The following TCTN3 variants were observed in gnomAD, a reference collection of about 807,000 sequenced individuals.
The protein encoded by TCTN3 is tectonic family member 3.
Under a neutral mutation model 71.3 loss-of-function variants are expected in TCTN3, and 57 were observed. That is an observed-to-expected ratio of 0.80 (90% CI 0.65 to 1.00). The LOEUF is 1.00. Among genes scored for constraint, TCTN3 ranks in the 50% least tolerant of loss-of-function variants. The pLI is 0.00. For synonymous variants in TCTN3, 258 were observed against 267.8 expected (o/e 0.96, Z 0.36); for missense variants, 696 against 719.9 (o/e 0.97, Z 0.38).
At chr10:95,668,155 A>C (rs1589602013) in intron 13 of TCTN3, among the ~76,000 whole-genome samples, 1 of 151,810 alleles carries the variant, frequency 6.6e-6, no homozygotes, top group Admixed American at 6.6e-5. Context: ...AAAGTTGAGA[A>C]TCTTTTTTAG....
In TCTN3 at chr10:95,687,729, T is replaced by G; in HGVS notation, c.500-10A>C. Reference sequence around the variant, plus strand: ...AAATAGTTTAAGTTTGCTAAAATGTTTTTTAAAAGAAAAAGCGTTTAGATA... The same window carrying G: ...AAATAGTTTAAGTTTGCTAAAATGTGTTTTAAAAGAAAAAGCGTTTAGATA... On this transcript the variant is annotated splice_polypyrimidine_tract_variant and intron_variant, in intron 3 of 13. Coordinates refer to ENST00000371217, the MANE Select transcript of TCTN3 (RefSeq NM_015631.6). 6.2e-7 allele frequency: 1 copy of G among 1,600,180 alleles called. No individual in the cohort carries two copies. The highest frequency in any genetic ancestry group is 8.5e-7 in the Non-Finnish European group (1 of 1,176,654).
At chr10:95,692,435 G>A (rs1160024149) in intron 3 of TCTN3, among the ~76,000 whole-genome samples, 1 of 152,138 alleles carries the variant, frequency 6.6e-6, no homozygotes, top group Non-Finnish European at 1.5e-5. Context: ...TAATCCGGGA[G>A]GTGGAGGTTG....
chr10:95,674,523 G>A (rs1007348706), intron 13 of TCTN3, among the ~76,000 whole-genome samples: 1 of 151,482 alleles, frequency 6.6e-6, no homozygotes, highest in Non-Finnish European at 1.5e-5. Context: ...TACTGTACAG[G>A]CTGTCTTGTA....
intron 12 of TCTN3, 100 bp from the exon 13 acceptor site, chr10:95,680,709 T>C: frequency 1.4e-6 from 2 of 1,411,494 alleles, no homozygotes; most frequent in South Asian, 2.8e-5. Flanking sequence ...TATTCAGTAA[T>C]AAGGAAGGCA....
rs1436682666 is a variant in TCTN3 at position 95,663,802 on chromosome 10, G to A, written c.*265C>T. The A allele has an allele frequency of 7.8e-6, 3 of 383,366 alleles. No homozygotes were observed. Among genetic ancestry groups the A allele is most frequent in the African/African-American group, 6.1e-5 (3 of 49,162 alleles). The allele number at this position is 383,366 out of a possible 1,614,324, so 23.7% of individuals were successfully genotyped here. On this transcript the variant is annotated 3_prime_UTR_variant, in exon 14 of 14. Coordinates refer to ENST00000371217, the MANE Select transcript of TCTN3 (RefSeq NM_015631.6). ...ACATAACCAGAAAGGCTGAAGGAAG[G>A]CTCTTGGCCTTCCCAGCTTGAGAAG... is the stretch of plus-strand genomic sequence containing the variant.
At chr10:95,664,340 C>T (rs2097924075) in intron 13 of TCTN3, 40 bp from the exon 14 acceptor site, 1 of 1,538,388 alleles carries the variant, frequency 6.5e-7, no homozygotes, top group Admixed American at 1.7e-5. Flanking sequence ...CGCTTGGTAC[C>T]CATTCATATA....
Position 95,668,351 on chromosome 10 carries a change from A to G in TCTN3, c.1591-4051T>C, listed in dbSNP as rs575397502. ...GAAAATTCTCAGAACTGAGTTTCAGAGTAAAAAATTTGGTATAATGAATGA... is the reference window on the plus strand; with the variant it reads ...GAAAATTCTCAGAACTGAGTTTCAGGGTAAAAAATTTGGTATAATGAATGA... On this transcript the variant is annotated intron_variant, in intron 13 of 13. Transcript: ENST00000371217. Among the ~76,000 whole-genome samples the G allele has an allele frequency of 1.2e-4, 19 of 152,034 alleles. No individual in the cohort carries two copies. In the South Asian group the frequency reaches 3.9e-3, roughly 32 times the overall value.
rs2097945374 is a variant in TCTN3 at position 95,683,595 on chromosome 10, C to A, written c.1130G>T (p.Ser377Ile). ...FQQSTAASLTSPRSGNPGYIV... is the reference protein window; with the variant it reads ...FQQSTAASLTIPRSGNPGYIV... Reference sequence around the variant, plus strand: ...ATAGCCAGGATTCCCACTTCTAGGACTGGTGAGAGAAGCAGCTGTGCTCTG... The same window carrying A: ...ATAGCCAGGATTCCCACTTCTAGGAATGGTGAGAGAAGCAGCTGTGCTCTG... Residue 377 changes from serine (S) to isoleucine (I), a missense_variant, in exon 10 of 14, where the codon AGT becomes ATT. Ser to Ile is a moderately radical substitution (Grantham distance 142). Transcript: ENST00000371217. The A allele has an allele frequency of 6.2e-7, 1 of 1,613,950 alleles. No individual in the cohort carries two copies. Among genetic ancestry groups the A allele is most frequent in the South Asian group, 1.1e-5 (1 of 91,074 alleles).
intron 13 of TCTN3, among the ~76,000 whole-genome samples, chr10:95,664,932 C>A (rs545442860): frequency 6.6e-6 from 1 of 152,284 alleles, no homozygotes; most frequent in African/African-American, 2.4e-5. Flanking sequence ...AACAAGCAAA[C>A]TTTTGATTAT....
intron 6 of TCTN3, 144 bp from the exon 7 acceptor site, chr10:95,686,674 C>G: frequency 1.3e-6 from 1 of 771,488 alleles, no homozygotes; most frequent in Non-Finnish European, 2.1e-6. Flanking sequence ...TCTATTCCAC[C>G]TGACTCTTCT....
chr10:95,676,065 T>A (rs183340743), intron 13 of TCTN3, among the ~76,000 whole-genome samples: 2 of 152,314 alleles, frequency 1.3e-5, no homozygotes, highest in Admixed American at 1.3e-4. Context: ...GACTGTGGTA[T>A]AAAACATAGC....
At position 95,687,248 on chromosome 10, in the gene TCTN3, T is replaced by C. The variant is rs2097949239; in HGVS notation, c.735A>G (p.Ala245=). ...TTGGTACTTTTGCTCTGGATTCACCTGCAGGATTGCTTTCAGCACAGAGTC... is the reference window on the plus strand; with the variant it reads ...TTGGTACTTTTGCTCTGGATTCACCCGCAGGATTGCTTTCAGCACAGAGTC... ...AGGLCAESNP[A]GFLESKSTTC... The change falls in exon 5 of 14, where the codon GCA becomes GCG. Residue 245 remains alanine (A), a splice_region_variant and synonymous_variant. Transcript: ENST00000371217. 1.9e-6 allele frequency: 3 copies of C among 1,613,830 alleles called. No individual in the cohort carries two copies. Among genetic ancestry groups the C allele is most frequent in the Non-Finnish European group, 2.5e-6 (3 of 1,179,798 alleles).
chr10:95,664,262 A>G lies in TCTN3; in HGVS notation c.1629T>C (p.Leu543=), dbSNP rs1566062716. ...TCTGGGTAATGTCCACAAAGTTCAC[A>G]AGAGTTGTCAAAGATACTTCTGTAA... ...QQVTEVSLTT[L]VNFVDITQKP... Residue 543 remains leucine, a synonymous_variant, in exon 14 of 14, where the codon CTT becomes CTC. Transcript: ENST00000371217. The G allele has an allele frequency of 1.9e-6, 3 of 1,614,114 alleles. No individual in the cohort carries two copies. The highest frequency in any genetic ancestry group is 2.2e-5 in the East Asian group (1 of 44,884).
At chr10:95,667,896 T>C (rs1402708556) in intron 13 of TCTN3, among the ~76,000 whole-genome samples, 1 of 152,144 alleles carries the variant, frequency 6.6e-6, no homozygotes, top group Non-Finnish European at 1.5e-5. Context: ...CTTACTCTTA[T>C]TTTGGATTGA....
intron 13 of TCTN3, among the ~76,000 whole-genome samples, chr10:95,669,113 A>T (rs1263618297): frequency 6.6e-6 from 1 of 152,246 alleles, no homozygotes; most frequent in Non-Finnish European, 1.5e-5. Context: ...ATCTGATGCA[A>T]ATACACTGGC....
chr10:95,677,180 T>C (rs2097937918), intron 13 of TCTN3, among the ~76,000 whole-genome samples: 1 of 152,210 alleles, frequency 6.6e-6, no homozygotes. Context: ...TAAAACTAGT[T>C]GTTTCTTCCT....
chr10:95,686,024 C>G (rs2097947946), intron 7 of TCTN3, among the ~76,000 whole-genome samples: 1 of 152,154 alleles, frequency 6.6e-6, no homozygotes, highest in African/African-American at 2.4e-5. Context: ...GTCAGGAGTT[C>G]AAGACCAGCC....
At chr10:95,687,844 A>AG in intron 3 of TCTN3, 125 bp from the exon 4 acceptor site, 1 of 1,093,280 alleles carries the variant, frequency 9.1e-7, no homozygotes, top group Non-Finnish European at 1.3e-6. Flanking sequence ...AAACTCAAAG[A>AG]ATTTTTACAA....
chr10:95,691,437 G>A (rs1344237960), intron 3 of TCTN3, among the ~76,000 whole-genome samples: 2 of 152,132 alleles, frequency 1.3e-5, no homozygotes, highest in African/African-American at 4.8e-5. Context: ...ACAGGAGTGA[G>A]CCACCGCGTC....
Sources: gnomAD v4.1 joint callset for allele counts (sites outside exome capture counted in the v4.1 genomes callset) on GRCh38, gnomAD v4.1.1 for gene constraint, MANE v1.5 for transcripts, NCBI Gene and HGNC (gene_info 2026-07-23, HGNC 2026-07-21) for gene names.